DSC3: variants seen among roughly 807,000 people sequenced by gnomAD.
DSC3 encodes desmocollin 3.
Under a neutral mutation model 89.5 loss-of-function variants are expected in DSC3, and 97 were observed. The ratio of observed to expected loss-of-function variants is 1.08; its 90% CI spans 0.92 to 1.28. DSC3 has a LOEUF of 1.28. DSC3 is among the 50% of genes most tolerant of loss of function. The pLI is 0.00. For missense variants in DSC3, 1,199 were observed against 1,085.3 expected, an observed-to-expected ratio of 1.10 and a Z score of -1.47; for synonymous variants, 436 against 384.1, an observed-to-expected ratio of 1.14 and a Z score of -1.58.
chr18:31,018,681 A>G lies in DSC3; in HGVS notation c.1062T>C (p.Thr354=). 6.2e-7 allele frequency: 1 copy of G among 1,613,312 alleles called. No homozygotes were observed. The highest frequency in any genetic ancestry group is 8.5e-7 in the Non-Finnish European group (1 of 1,179,888). Residue 354 remains threonine, a synonymous_variant, in exon 8 of 16, where the codon ACT becomes ACC. Coordinates refer to ENST00000360428, the MANE Select transcript of DSC3 (RefSeq NM_001941.5). ...TVTDSNDNAP[T]FRQNAYEAFV... The stretch of plus-strand genomic sequence containing the variant: ...ATATACTTACAGCATTTTGTCTGAA[A>G]GTGGGTGCATTATCATTTGAATCTG...
At chr18:31,025,262 A>C (rs1985558762) in intron 5 of DSC3, among the ~76,000 whole-genome samples, 1 of 152,164 alleles carries the variant, frequency 6.6e-6, no homozygotes, top group African/African-American at 2.4e-5. Flanking sequence ...TCTATATCAG[A>C]ATACTGGCTT....
chr18:31,026,972 G>A lies in DSC3; in HGVS notation c.475-1057C>T, dbSNP rs116128307. ...AACCTGGGTCCTTGGTGTTTTTTCAGATTAGAACCTTTTTACCAGATCACA... is the reference window on the plus strand; with the variant it reads ...AACCTGGGTCCTTGGTGTTTTTTCAAATTAGAACCTTTTTACCAGATCACA... On this transcript the variant is annotated intron_variant, in intron 4 of 15. Transcript: ENST00000360428. Among the ~76,000 whole-genome samples, 1,192 of 152,166 alleles carry A rather than the reference G, an allele frequency of 7.8e-3. 20 individuals are homozygous for A. The highest frequency in any genetic ancestry group is 0.028 in the African/African-American group (1,152 of 41,554).
intron 6 of DSC3, among the ~76,000 whole-genome samples, chr18:31,023,862 C>T (rs1467334413): frequency 6.6e-6 from 1 of 152,030 alleles, no homozygotes; most frequent in East Asian, 1.9e-4. Flanking sequence ...GGTATTCATT[C>T]TAAATTGGAA....
At chr18:31,002,027 A>T (rs532550460) in intron 13 of DSC3, among the ~76,000 whole-genome samples, 1 of 152,332 alleles carries the variant, frequency 6.6e-6, no homozygotes, top group Non-Finnish European at 1.5e-5. Context: ...AAAAAAAATC[A>T]CTGACATTTA....
chr18:31,005,437 CA>C (rs1269325095), intron 12 of DSC3, among the ~76,000 whole-genome samples: 10 of 152,138 alleles, frequency 6.6e-5, no homozygotes, highest in Non-Finnish European at 1.5e-4. Flanking sequence ...GCCTTATTTG[CA>C]CATTCCCAAT....
chr18:31,032,956 G>T (rs537871765), intron 1 of DSC3, among the ~76,000 whole-genome samples: 1 of 152,148 alleles, frequency 6.6e-6, no homozygotes, highest in African/African-American at 2.4e-5. Flanking sequence ...CTAAAAAACT[G>T]TCTAAATAAA....
At chr18:31,003,359 C>T (rs926212639) in intron 13 of DSC3, among the ~76,000 whole-genome samples, 5 of 152,102 alleles carry the variant, frequency 3.3e-5, no homozygotes, top group African/African-American at 1.2e-4. Context: ...TCCTAAGCAC[C>T]TAGAACAGTT....
rs755196914 is a variant in DSC3 at position 30,994,361 on chromosome 18, T to C, written c.2505A>G (p.Arg835=). 12 of 1,613,854 alleles carry C rather than the reference T, an allele frequency of 7.4e-6. No individual in the cohort carries two copies. The highest frequency in any genetic ancestry group is 1.0e-5 in the Non-Finnish European group (12 of 1,179,888). ...GCATGCGGTCTTCATTCTGATTACA[T>C]CGATGCAATTTCTGTAAAATTTTTT... is the stretch of plus-strand genomic sequence containing the variant. ...TQPRLGEKLH[R]CNQNEDRMPS... The change falls in exon 16 of 16, where the codon CGA becomes CGG. Residue 835 remains arginine (R), a synonymous_variant. Coordinates refer to ENST00000360428, the MANE Select transcript of DSC3 (RefSeq NM_001941.5).
At chr18:31,003,111 C>T (rs1567950510) in intron 13 of DSC3, among the ~76,000 whole-genome samples, 1 of 149,200 alleles carries the variant, frequency 6.7e-6, no homozygotes, top group South Asian at 2.1e-4. Context: ...CCAGGCGTTC[C>T]GCCTGGCTCT....
rs1221936255 is a variant in DSC3 at position 30,989,700 on chromosome 18, C to T, written c.*4475G>A. Among the ~76,000 whole-genome samples the T allele has an allele frequency of 2.0e-5, 3 of 152,096 alleles. No individual in the cohort carries two copies. The highest frequency in any genetic ancestry group is 6.6e-5 in the Admixed American group (1 of 15,264). ...AACCTTTGCAATCAAAATAAACTGT[C>T]GAATACAGAAGCCCGTAAACATGTT... On this transcript the variant is annotated 3_prime_UTR_variant, in exon 16 of 16. Transcript: ENST00000360428.
chr18:31,008,165 A>T lies in DSC3; in HGVS notation c.1521-7T>A. 1.2e-6 allele frequency: 2 copies of T among 1,607,446 alleles called. No individual in the cohort carries two copies. The highest frequency in any genetic ancestry group is 1.7e-6 in the Non-Finnish European group (2 of 1,176,058). On this transcript the variant is annotated splice_region_variant and splice_polypyrimidine_tract_variant and intron_variant, in intron 10 of 15. Transcript: ENST00000360428. ...ATCATGCAATTTTTTGTACCTGTTA[A>T]TAAAAAAAAAATAGTCTTTAGCATC...
intron 15 of DSC3, among the ~76,000 whole-genome samples, chr18:30,996,004 A>AAAAAAAAAAAG (rs1380162048): frequency 5.6e-5 from 8 of 143,658 alleles, no homozygotes; most frequent in African/African-American, 2.3e-4. Flanking sequence ...AAAAAAGAAA[A>AAAAAAAAAAAG]GAAAGAAAAA....
At chr18:31,042,362 A>G (rs1170644561) in intron 1 of DSC3, among the ~76,000 whole-genome samples, 1 of 152,116 alleles carries the variant, frequency 6.6e-6, no homozygotes, top group Non-Finnish European at 1.5e-5. Context: ...AATTCCAACA[A>G]TCGAACACCT....
At chr18:31,036,798 C>CTTTT (rs775187201) in intron 1 of DSC3, among the ~76,000 whole-genome samples, 9 of 107,422 alleles carry the variant, frequency 8.4e-5, no homozygotes, top group Admixed American at 3.1e-4. Flanking sequence ...TTCTTTCTTC[C>CTTTT]TTTTTTTTTT....
At chr18:30,995,410 T>C (rs1598595096) in intron 15 of DSC3, among the ~76,000 whole-genome samples, 1 of 152,172 alleles carries the variant, frequency 6.6e-6, no homozygotes, top group Admixed American at 6.5e-5. Context: ...ATACATAACC[T>C]ACAGCCCTAT....
rs1472222 is a variant in DSC3 at position 30,994,591 on chromosome 18, T to G, written c.2494-219A>C. On this transcript the variant is annotated intron_variant, in intron 15 of 15. Coordinates refer to ENST00000360428, the MANE Select transcript of DSC3 (RefSeq NM_001941.5). ...TCTAGTGCTCCATATAAATAAAAAA[T>G]TATGTATACAAGTTTTATATTTAAG... is the stretch of plus-strand genomic sequence containing the variant. 0.043 allele frequency: 41,942 copies of G among 977,306 alleles called. 1,157 individuals are homozygous for G. Among genetic ancestry groups the G allele is most frequent in the Middle Eastern group, 0.061 (159 of 2,596 alleles). 60.5% of individuals were successfully genotyped at this position (977,306 alleles called of 1,614,324 possible).
chr18:31,008,600 G>A, intron 9 of DSC3, 75 bp from the exon 10 acceptor site: 1 of 1,568,000 alleles, frequency 6.4e-7, no homozygotes, highest in African/African-American at 1.3e-5. Context: ...GTGAACATTT[G>A]TCATCCTGAC....
At chr18:31,015,122 G>A (rs997757126) in intron 9 of DSC3, among the ~76,000 whole-genome samples, 2 of 152,126 alleles carry the variant, frequency 1.3e-5, no homozygotes, top group Non-Finnish European at 2.9e-5. Context: ...AAACTAGGAT[G>A]TAATATCAAA....
chr18:31,003,559 A>C (rs913653108), intron 13 of DSC3, among the ~76,000 whole-genome samples: 1 of 152,192 alleles, frequency 6.6e-6, no homozygotes, highest in African/African-American at 2.4e-5. Context: ...AGCACAGTTA[A>C]GTAATTTGCC....
Sources: gnomAD v4.1 joint callset for allele counts (sites outside exome capture counted in the v4.1 genomes callset) on GRCh38, gnomAD v4.1.1 for gene constraint, MANE v1.5 for transcripts, NCBI Gene and HGNC (gene_info 2026-07-23, HGNC 2026-07-21) for gene names.